The following WDR41 variants were observed in gnomAD, a reference collection of about 807,000 sequenced individuals.
The protein encoded by WDR41 is WD repeat domain 41, also known as WD repeat-containing protein 41.
WDR41 carries 63 observed loss-of-function variants against 69.3 expected under a neutral mutation model. That is an observed-to-expected ratio of 0.91 (90% CI 0.74 to 1.12). The LOEUF is 1.12. WDR41 is among the 50% of genes most tolerant of loss of function. The pLI is 0.00. For synonymous variants in WDR41, 185 were observed against 192.1 expected, an observed-to-expected ratio of 0.96 and a Z score of 0.31; for missense variants, 543 against 534.5, an observed-to-expected ratio of 1.02 and a Z score of -0.16.
At chr5:77,439,419 T>A (rs1297885363) in intron 9 of WDR41, among the ~76,000 whole-genome samples, 1 of 152,208 alleles carries the variant, frequency 6.6e-6, no homozygotes. Flanking sequence ...CAATCAGCAA[T>A]GCAGCCGAGG....
chr5:77,597,815 A>T (rs1205981506), intron 1 of WDR41, among the ~76,000 whole-genome samples: 1 of 152,186 alleles, frequency 6.6e-6, no homozygotes, highest in Non-Finnish European at 1.5e-5. Context: ...ACACATCCAG[A>T]TGAGTGTTTT....
chr5:77,533,317 A>C (rs1444319165), intron 1 of WDR41, among the ~76,000 whole-genome samples: 1 of 152,230 alleles, frequency 6.6e-6, no homozygotes, highest in African/African-American at 2.4e-5. Flanking sequence ...GGAACTAATA[A>C]GTAAAATCTG....
intron 1 of WDR41, among the ~76,000 whole-genome samples, chr5:77,538,082 C>T (rs1013269962): frequency 2.0e-5 from 3 of 152,040 alleles, no homozygotes; most frequent in African/African-American, 7.3e-5. Context: ...TCATCATTCA[C>T]CCCCTCCCAC....
chr5:77,480,703 C>T (rs1801192883), intron 2 of WDR41, among the ~76,000 whole-genome samples: 3 of 151,008 alleles, frequency 2.0e-5, no homozygotes, highest in Admixed American at 2.0e-4. Flanking sequence ...AGGGATAGCA[C>T]TGGGAGATAT....
At chr5:77,466,339 G>T (rs1800303203) in intron 2 of WDR41, among the ~76,000 whole-genome samples, 1 of 151,766 alleles carries the variant, frequency 6.6e-6, no homozygotes, top group African/African-American at 2.4e-5. Context: ...ATCAAAAATA[G>T]TTGCTGGAAA....
chr5:77,592,071 C>A lies in WDR41; in HGVS notation c.42+28408G>T, dbSNP rs186018746. Among the ~76,000 whole-genome samples, 23 of 152,124 alleles carry A rather than the reference C, an allele frequency of 1.5e-4. No individual in the cohort carries two copies. The East Asian group carries it at 4.2e-3, about 28-fold the overall frequency. On this transcript the variant is annotated intron_variant, in intron 1 of 5. Coordinates refer to the WDR41 transcript ENST00000509971. ...TTATTAAGAATATGCAAATTTAGAA[C>A]TATGTGGGATTGGCCTTTCATTATG...
intron 1 of WDR41, among the ~76,000 whole-genome samples, chr5:77,497,376 A>G (rs1038102014): frequency 6.6e-6 from 1 of 152,166 alleles, no homozygotes; most frequent in African/African-American, 2.4e-5. Flanking sequence ...GTAATATATA[A>G]ACATCTCCTA....
At chr5:77,516,279 G>A (rs1271397769) in intron 1 of WDR41, among the ~76,000 whole-genome samples, 1 of 152,158 alleles carries the variant, frequency 6.6e-6, no homozygotes, top group Non-Finnish European at 1.5e-5. Context: ...TCTATAAACT[G>A]TGTATAACAG....
At chr5:77,485,971 C>A (rs1412012831) in intron 2 of WDR41, among the ~76,000 whole-genome samples, 1 of 151,956 alleles carries the variant, frequency 6.6e-6, no homozygotes, top group Admixed American at 6.6e-5. Flanking sequence ...AGTGTAATGT[C>A]TTCAAAAACT....
chr5:77,609,550 C>T (rs1445112977), intron 1 of WDR41, among the ~76,000 whole-genome samples: 1 of 152,246 alleles, frequency 6.6e-6, no homozygotes, highest in Non-Finnish European at 1.5e-5. Flanking sequence ...CAAACAGGGT[C>T]TGGAGTGGAC....
chr5:77,538,872 T>C (rs955902129), intron 1 of WDR41, among the ~76,000 whole-genome samples: 2 of 152,178 alleles, frequency 1.3e-5, no homozygotes, highest in African/African-American at 4.8e-5. Flanking sequence ...TTCTCAGAAG[T>C]CTTTTTCTAT....
chr5:77,566,973 T>C (rs1003175233), intron 1 of WDR41, among the ~76,000 whole-genome samples: 28 of 152,172 alleles, frequency 1.8e-4, no homozygotes. Flanking sequence ...CCAACATTCA[T>C]AGGAGAGCCA....
intron 1 of WDR41, among the ~76,000 whole-genome samples, chr5:77,501,166 C>T (rs1414117960): frequency 6.6e-6 from 1 of 152,264 alleles, no homozygotes; most frequent in Non-Finnish European, 1.5e-5. Context: ...CAGGACACTT[C>T]TGCCCAAATA....
At chr5:77,546,147 C>A (rs1400337181) in intron 1 of WDR41, 9 of 482,646 alleles carry the variant, frequency 1.9e-5, no homozygotes, top group Non-Finnish European at 3.3e-5. Context: ...GACCTCCGAC[C>A]TCTGGAAGGA....
chr5:77,458,154 C>G (rs1293295982), intron 5 of WDR41, among the ~76,000 whole-genome samples: 1 of 152,094 alleles, frequency 6.6e-6, no homozygotes, highest in Non-Finnish European at 1.5e-5. Context: ...CAAATCAATA[C>G]TTTTTAATGC....
At chr5:77,611,041 G>C (rs1374372177) in intron 1 of WDR41, among the ~76,000 whole-genome samples, 1 of 152,154 alleles carries the variant, frequency 6.6e-6, no homozygotes, top group African/African-American at 2.4e-5. Flanking sequence ...AACCAACAAA[G>C]ATCAAAAGAG....
At chr5:77,490,414 G>A (rs1453623240) in intron 1 of WDR41, among the ~76,000 whole-genome samples, 1 of 152,062 alleles carries the variant, frequency 6.6e-6, no homozygotes, top group South Asian at 2.1e-4. Flanking sequence ...TGTCTCCTGC[G>A]GGGCAAAAAT....
intron 1 of WDR41, among the ~76,000 whole-genome samples, chr5:77,490,384 T>C (rs1581766960): frequency 1.3e-5 from 2 of 152,272 alleles, no homozygotes; most frequent in South Asian, 2.1e-4. Context: ...CAATCAAAAA[T>C]GTCTCCAGAC....
intron 1 of WDR41, among the ~76,000 whole-genome samples, chr5:77,525,834 C>G (rs373544991): frequency 6.6e-6 from 1 of 152,060 alleles, no homozygotes; most frequent in Non-Finnish European, 1.5e-5. Flanking sequence ...GCCCAAGGCC[C>G]GGAGAGGTGT....
Sources: gnomAD v4.1 joint callset for allele counts (sites outside exome capture counted in the v4.1 genomes callset) on GRCh38, gnomAD v4.1.1 for gene constraint, MANE v1.5 for transcripts, NCBI Gene and HGNC (gene_info 2026-07-23, HGNC 2026-07-21) for gene names.